Variants in ANKRD13D observed in about 807,000 individuals in gnomAD.
ANKRD13D encodes ankyrin repeat domain-containing protein 13D.
A neutral mutation model predicts 68.8 loss-of-function variants in ANKRD13D; 24 were observed. The ratio of observed to expected loss-of-function variants is 0.35; its 90% CI spans 0.25 to 0.49. ANKRD13D has a LOEUF of 0.49. ANKRD13D is among the 20% of genes least tolerant of loss of function. The pLI is 0.99. For synonymous variants in ANKRD13D, 331 were observed against 336.1 expected (o/e 0.98, Z 0.16); for missense variants, 735 against 832.1 (o/e 0.88, Z 1.44).
rs538328463 is a variant in ANKRD13D, at chr11:67,291,714, G to A, written c.509G>A (p.Arg170Gln). 1.3e-4 allele frequency: 206 copies of A among 1,614,060 alleles called. 1 individual carries two copies. The East Asian group carries it at 4.2e-3, about 33-fold the overall frequency. Residue 170 changes from arginine to glutamine, a missense_variant, in exon 5 of 15, where the codon CGG (arginine) becomes CAG (glutamine). Physicochemically the swap from Arg to Gln is conservative, Grantham distance 43. Transcript: ENST00000511455. ...GGCTTCGAGCACATGACCTGGCAGCGGGGCCGGAGGAGCTTCATCTTCAAG... is the reference window on the plus strand; with the variant it reads ...GGCTTCGAGCACATGACCTGGCAGCAGGGCCGGAGGAGCTTCATCTTCAAG... The part of the protein sequence containing the change: ...LLGFEHMTWQ[R>Q]GRRSFIFKGQ...
At chr11:67,290,595 A>G in intron 3 of ANKRD13D, 149 bp downstream of exon 3, 3 of 1,230,524 alleles carry the variant, frequency 2.4e-6, no homozygotes, top group Non-Finnish European at 3.3e-6. Flanking sequence ...ACCCCAGCCC[A>G]GGGTCACGTA....
At position 67,301,451 on chromosome 11, in the gene ANKRD13D, C is replaced by T. The variant is rs547354188; in HGVS notation, c.1349-37C>T. On this transcript the variant is annotated intron_variant, in intron 12 of 14. Transcript: ENST00000511455. This position sits in a 1 kb window ranked among gnomAD's most constrained non-coding sequence, Gnocchi z 4.5. ...TGCACAGCTTTCTGGTCACCAAGCC[C>T]CGCGGGTTGAGCGTGGCCCCTCTGC... The T allele has an allele frequency of 1.1e-5, 17 of 1,608,156 alleles. No individual in the cohort carries two copies. In the East Asian group the frequency reaches 3.8e-4, roughly 36 times the overall value.
At position 67,299,888 on chromosome 11, in the gene ANKRD13D, G is replaced by C; in HGVS notation, c.942G>C (p.Gly314=). 1 of 1,547,532 alleles carries C rather than the reference G, an allele frequency of 6.5e-7. No homozygotes were observed. Among genetic ancestry groups the C allele is most frequent in the Non-Finnish European group, 8.7e-7 (1 of 1,145,768 alleles). ...CGCAGCAGCATTCCTCCCACACCGG[G>C]GTGAGCCGGGGCTGGGCCGAGACAG... ...GMAQQHSSHT[G]APVQQAASPT... is the part of the protein sequence containing the mutation. The change falls in exon 9 of 15, where the codon GGG becomes GGC. Residue 314 remains glycine, a splice_region_variant and synonymous_variant. Coordinates refer to ENST00000511455, the MANE Select transcript of ANKRD13D (RefSeq NM_207354.3). This position sits in a 1 kb window ranked among gnomAD's most constrained non-coding sequence, Gnocchi z 6.2.
intron 6 of ANKRD13D, chr11:67,297,927 T>C (rs1860823528): frequency 6.6e-6 from 1 of 152,250 alleles, no homozygotes; most frequent in South Asian, 2.1e-4. Context: ...AGGAGTGTGT[T>C]GTTTACTTTC....
chr11:67,289,693 C>T (rs1434547479), intron 1 of ANKRD13D, 143 bp downstream of exon 1: 1 of 1,313,258 alleles, frequency 7.6e-7, no homozygotes, highest in Admixed American at 3.0e-5. Context: ...CGATCCCAAG[C>T]CCAGGTCACC....
chr11:67,300,899 G>A lies in ANKRD13D; in HGVS notation c.1074-91G>A. On this transcript the variant is annotated intron_variant, in intron 10 of 14. Transcript: ENST00000511455. The surrounding 1 kb of genome is among the most constrained non-coding windows in gnomAD (Gnocchi z 4.3). Reference sequence around the variant, plus strand: ...GGCACTCCAGGCCAGGCAGAAGGTGGGTAAAGGCAGCTGCCCACGAACCAG... The same window carrying A: ...GGCACTCCAGGCCAGGCAGAAGGTGAGTAAAGGCAGCTGCCCACGAACCAG... 6.7e-7 allele frequency: 1 copy of A among 1,499,038 alleles called. No individual in the cohort carries two copies. The highest frequency in any genetic ancestry group is 9.0e-7 in the Non-Finnish European group (1 of 1,107,262). The allele number at this position is 1,499,038 out of a possible 1,614,324, so 92.9% of individuals were successfully genotyped here.
Position 67,302,107 on chromosome 11 carries a change from C to A in ANKRD13D, c.1605-12C>A. 1 of 1,548,152 alleles carries A rather than the reference C, an allele frequency of 6.5e-7. No homozygotes were observed. Among genetic ancestry groups the A allele is most frequent in the East Asian group, 2.4e-5 (1 of 42,028 alleles). ...ACTGGCCTGTTCTTCCCTCCCCTGC[C>A]CTGCCTGGAAGGGCCCTCCAGGAAA... On this transcript the variant is annotated splice_polypyrimidine_tract_variant and intron_variant, in intron 14 of 14. Transcript: ENST00000511455.
At position 67,301,525 on chromosome 11, in the gene ANKRD13D, TG is replaced by T; in HGVS notation, c.1387del (p.Glu463LysfsTer43). The T allele has an allele frequency of 6.2e-7, 1 of 1,613,100 alleles. No homozygotes were observed. Among genetic ancestry groups the T allele is most frequent in the Non-Finnish European group, 8.5e-7 (1 of 1,179,972 alleles). Reference protein sequence around the residue: ...FPCEVDPTVFEVPNGYSVLGM... With the variant: ...FPCEVDPTVFXVPNGYSVLGM... ...CGTGCGAGGTGGACCCCACCGTGTT[TG>T]AAGTGCCCAACGGGTACAGCGTGCT... is the stretch of plus-strand genomic sequence containing the variant. On this transcript the variant is annotated frameshift_variant, in exon 13 of 15. Transcript: ENST00000511455. LOFTEE classifies it high-confidence loss of function. The surrounding 1 kb of genome is among the most constrained non-coding windows in gnomAD (Gnocchi z 4.5).
Position 67,301,695 on chromosome 11 carries a change from C to T in ANKRD13D, c.1513-37C>T, listed in dbSNP as rs369244938. On this transcript the variant is annotated intron_variant, in intron 13 of 14. Coordinates refer to ENST00000511455, the MANE Select transcript of ANKRD13D (RefSeq NM_207354.3). This position sits in a 1 kb window ranked among gnomAD's most constrained non-coding sequence, Gnocchi z 4.5. ...GTGGGCTCTGGCCTCTGCAGCCACA[C>T]GGCAGAAGTGACAGCTGTGGGCTCT... The T allele has an allele frequency of 4.5e-5, 72 of 1,610,796 alleles. No homozygotes were observed. Among genetic ancestry groups the T allele is most frequent in the Middle Eastern group, 1.7e-4 (1 of 6,056 alleles).
At position 67,291,538 on chromosome 11, in the gene ANKRD13D, G is replaced by C. The variant is rs1162558660; in HGVS notation, c.397+17G>C. 1 of 1,613,834 alleles carries C rather than the reference G, an allele frequency of 6.2e-7. No homozygotes were observed. The highest frequency in any genetic ancestry group is 1.7e-5 in the Admixed American group (1 of 60,012). The stretch of plus-strand genomic sequence containing the variant: ...CCAGCTGGGGTGAGTGGGGACCTCT[G>C]GGCTCCCAGGGATTTGGGGTGGGGC... On this transcript the variant is annotated intron_variant, in intron 4 of 14. Coordinates refer to ENST00000511455, the MANE Select transcript of ANKRD13D (RefSeq NM_207354.3).
At position 67,289,558 on chromosome 11, in the gene ANKRD13D, C is replaced by G; in HGVS notation, c.90+8C>G. 1 of 1,524,134 alleles carries G rather than the reference C, an allele frequency of 6.6e-7. No homozygotes were observed. Among genetic ancestry groups the G allele is most frequent in the Non-Finnish European group, 8.7e-7 (1 of 1,142,860 alleles). The allele number at this position is 1,524,134 out of a possible 1,614,324, so 94.4% of individuals were successfully genotyped here. ...GCACTGCACAGCCACCAGGTGAGGC[C>G]CCGCTGGGGCACCCGGCCCTTCCCC... On this transcript the variant is annotated splice_region_variant and intron_variant, in intron 1 of 14. Transcript: ENST00000511455.
chr11:67,298,666 A>G (rs960604719), intron 6 of ANKRD13D: 1 of 195,070 alleles, frequency 5.1e-6, no homozygotes, highest in African/African-American at 2.3e-5. Flanking sequence ...ACATTTATCA[A>G]CATCTTGCCA....
At chr11:67,289,620 AG>A (rs1171504670) in intron 1 of ANKRD13D, 70 bp downstream of exon 1, 10 of 659,722 alleles carry the variant, frequency 1.5e-5, no homozygotes, top group South Asian at 3.7e-5. Flanking sequence ...TCCGTCCTGG[AG>A]CCCCCCCCCC....
rs1860907421 is a variant in ANKRD13D at position 67,299,849 on chromosome 11, C to T, written c.903C>T (p.Ser301=). ...RSKAGKTPFQ[S]FLGMAQQHSS... ...TAGCGGGGAAGACTCCATTCCAGTC[C>T]TTCCTGGGGATGGCGCAGCAGCATT... Residue 301 remains serine, a synonymous_variant, in exon 9 of 15, where the codon TCC becomes TCT. Coordinates refer to ENST00000511455, the MANE Select transcript of ANKRD13D (RefSeq NM_207354.3). This position sits in a 1 kb window ranked among gnomAD's most constrained non-coding sequence, Gnocchi z 6.2. 1.3e-6 allele frequency: 2 copies of T among 1,536,910 alleles called. No homozygotes were observed. The highest frequency in any genetic ancestry group is 1.4e-5 in the African/African-American group (1 of 72,542).
chr11:67,289,932 C>T, intron 1 of ANKRD13D, 146 bp from the exon 2 acceptor site: 3 of 1,444,740 alleles, frequency 2.1e-6, no homozygotes, highest in Non-Finnish European at 2.7e-6. Flanking sequence ...TCTCCCCTGC[C>T]AGGACACGCA....
chr11:67,294,881 A>G (rs1860703547), intron 6 of ANKRD13D, among the ~76,000 whole-genome samples: 1 of 152,172 alleles, frequency 6.6e-6, no homozygotes, highest in Non-Finnish European at 1.5e-5. Flanking sequence ...TTGATTGTGT[A>G]TTGCAAATGT....
At chr11:67,292,671 A>G (rs1008955052) in intron 6 of ANKRD13D, among the ~76,000 whole-genome samples, 1 of 152,150 alleles carries the variant, frequency 6.6e-6, no homozygotes, top group Non-Finnish European at 1.5e-5. Context: ...CATATACCAT[A>G]TAAGATCACC....
chr11:67,291,961 C>T, intron 5 of ANKRD13D, 30 bp from the exon 6 acceptor site: 1 of 1,549,184 alleles, frequency 6.5e-7, no homozygotes, highest in Non-Finnish European at 8.7e-7. Context: ...CTGATTTGCG[C>T]CCCCTCTGTC....
chr11:67,295,554 A>G (rs1245869138), intron 6 of ANKRD13D, among the ~76,000 whole-genome samples: 4 of 151,588 alleles, frequency 2.6e-5, no homozygotes, highest in African/African-American at 4.9e-5. Context: ...GTGAAACATC[A>G]TCTCTACTAA....
Sources: allele counts gnomAD v4.1 joint callset (sites outside exome capture counted in the v4.1 genomes callset), GRCh38; gene constraint gnomAD v4.1.1; non-coding constraint Gnocchi (gnomAD v3.1); transcripts MANE v1.5; gene names NCBI Gene and HGNC (gene_info 2026-07-23, HGNC 2026-07-21).